Variants in SPTY2D1 observed in about 807,000 individuals in gnomAD.
SPTY2D1 encodes the protein protein SPT2 homolog.
A neutral mutation model predicts 64.0 loss-of-function variants in SPTY2D1; 21 were observed. The ratio of observed to expected loss-of-function variants is 0.33; its 90% CI spans 0.23 to 0.47. The LOEUF is 0.47. Ranked by LOEUF, SPTY2D1 falls within the 20% of genes least tolerant of loss-of-function variation. The pLI is 1.00. For missense variants in SPTY2D1, 724 were observed against 837.2 expected (o/e 0.86, Z 1.67); for synonymous variants, 287 against 286.8 (o/e 1.00, Z -0.01).
chr11:18,634,303 T>G lies in SPTY2D1; in HGVS notation c.-46A>C. 1 of 1,606,630 alleles carries G rather than the reference T, an allele frequency of 6.2e-7. No homozygotes were observed. Among genetic ancestry groups the G allele is most frequent in the Non-Finnish European group, 8.5e-7 (1 of 1,173,960 alleles). ...ACTGGGCCAGGCACTCGGAAAGGAC[T>G]GACAGCGCACCTAACCGAGGCGCCC... On this transcript the variant is annotated 5_prime_UTR_variant, in exon 1 of 6. Transcript: ENST00000336349.
Position 18,612,838 on chromosome 11 carries a change from C to T in SPTY2D1, c.1712-350G>A, listed in dbSNP as rs1854229005. 1.3e-5 allele frequency among the ~76,000 whole-genome samples: 2 copies of T among 151,386 alleles called. No homozygotes were observed. The highest frequency in any genetic ancestry group is 3.9e-4 in the East Asian group (2 of 5,124). ...GGAGTGCAATGGTGCGATCTCGGCT[C>T]ACTGCAACCTCTGCCTCCCAGGTTC... On this transcript the variant is annotated intron_variant, in intron 3 of 5. Coordinates refer to ENST00000336349, the MANE Select transcript of SPTY2D1 (RefSeq NM_194285.3). The surrounding 1 kb of genome is among the most constrained non-coding windows in gnomAD (Gnocchi z 4.6).
chr11:18,620,513 T>C (rs1033601945), intron 1 of SPTY2D1, among the ~76,000 whole-genome samples: 1 of 151,754 alleles, frequency 6.6e-6, no homozygotes, highest in African/African-American at 2.4e-5. Context: ...TGAGCCGTTA[T>C]TATAGCTTTA....
chr11:18,612,599 C>T lies in SPTY2D1; in HGVS notation c.1712-111G>A. ...AAGATGGTATCCTTTAAAACCAGAG[C>T]AAGCAGGCTGGCCCTTAGCGCAGAG... is the stretch of plus-strand genomic sequence containing the variant. On this transcript the variant is annotated intron_variant, in intron 3 of 5. Transcript: ENST00000336349. The surrounding 1 kb of genome is among the most constrained non-coding windows in gnomAD (Gnocchi z 4.6). The T allele has an allele frequency of 1.0e-6, 1 of 987,052 alleles. No individual in the cohort carries two copies. Among genetic ancestry groups the T allele is most frequent in the Non-Finnish European group, 1.4e-6 (1 of 710,712 alleles). 61.1% of individuals were successfully genotyped at this position (987,052 alleles called of 1,614,324 possible).
At position 18,607,629 on chromosome 11, in the gene SPTY2D1, A is replaced by G. The variant is rs1302407618; in HGVS notation, c.*2232T>C. 1.3e-5 allele frequency: 2 copies of G among 152,598 alleles called. No homozygotes were observed. Among genetic ancestry groups the G allele is most frequent in the Non-Finnish European group, 2.9e-5 (2 of 68,032 alleles). The allele number at this position is 152,598 out of a possible 1,614,324, so 9.5% of individuals were successfully genotyped here. A position where few individuals can be genotyped will look rare whatever the true frequency, so the allele number is the denominator to read the frequency against. ...TTCTTCAAAGGTTTGTGAGCTTTTTATAAGAGTGGTCAGGAAGTGCAGAAA... is the reference window on the plus strand; with the variant it reads ...TTCTTCAAAGGTTTGTGAGCTTTTTGTAAGAGTGGTCAGGAAGTGCAGAAA... On this transcript the variant is annotated 3_prime_UTR_variant, in exon 6 of 6. Coordinates refer to ENST00000336349, the MANE Select transcript of SPTY2D1 (RefSeq NM_194285.3).
At chr11:18,631,212 C>T (rs929988194) in intron 1 of SPTY2D1, among the ~76,000 whole-genome samples, 1 of 152,220 alleles carries the variant, frequency 6.6e-6, no homozygotes, top group Non-Finnish European at 1.5e-5. Flanking sequence ...AAATCATAGA[C>T]ATAGTGTACA....
At chr11:18,624,967 C>G (rs1854472464) in intron 1 of SPTY2D1, among the ~76,000 whole-genome samples, 1 of 152,186 alleles carries the variant, frequency 6.6e-6, no homozygotes, top group Admixed American at 6.5e-5. Flanking sequence ...CCATTGCACT[C>G]CAGCCTGGGC....
intron 1 of SPTY2D1, among the ~76,000 whole-genome samples, chr11:18,625,958 T>C (rs2134116939): frequency 6.6e-6 from 1 of 151,952 alleles, no homozygotes; most frequent in East Asian, 1.9e-4. Context: ...TGGGACTGAT[T>C]ATAGGCACCT....
At chr11:18,632,167 A>G (rs1854599368) in intron 1 of SPTY2D1, among the ~76,000 whole-genome samples, 1 of 151,412 alleles carries the variant, frequency 6.6e-6, no homozygotes, top group African/African-American at 2.4e-5. Flanking sequence ...AAAAAAAAAA[A>G]GAAGAAGAAG....
At chr11:18,623,553 T>G (rs186609373) in intron 1 of SPTY2D1, among the ~76,000 whole-genome samples, 1 of 152,342 alleles carries the variant, frequency 6.6e-6, no homozygotes, top group East Asian at 1.9e-4. Context: ...ATATAATATC[T>G]ACAATCAGTT....
intron 5 of SPTY2D1, 62 bp downstream of exon 5, chr11:18,611,415 G>A (rs1173877283): frequency 1.7e-5 from 25 of 1,452,104 alleles, no homozygotes; most frequent in African/African-American, 4.6e-5. Flanking sequence ...TGCAATTGTA[G>A]CAATAAGCAG....
chr11:18,618,930 C>T (rs4757676), intron 1 of SPTY2D1, among the ~76,000 whole-genome samples: 84,086 of 152,028 alleles, frequency 0.55, 27,492 homozygotes, highest in Middle Eastern at 0.75. Flanking sequence ...AGTCCCAAGA[C>T]AGCATCCAGA....
At chr11:18,632,534 A>G (rs1854605259) in intron 1 of SPTY2D1, among the ~76,000 whole-genome samples, 2 of 152,196 alleles carry the variant, frequency 1.3e-5, no homozygotes, top group Admixed American at 1.3e-4. Context: ...TTTTTAGTAG[A>G]GATGGGGTTT....
chr11:18,630,634 A>G (rs1313288695), intron 1 of SPTY2D1, among the ~76,000 whole-genome samples: 1 of 152,218 alleles, frequency 6.6e-6, no homozygotes, highest in Non-Finnish European at 1.5e-5. Context: ...TAGCTCTGAT[A>G]GGTTCCAAAT....
At chr11:18,622,079 C>A (rs1346435662) in intron 1 of SPTY2D1, among the ~76,000 whole-genome samples, 2 of 1,184 alleles carry the variant, frequency 1.7e-3, no homozygotes, top group Non-Finnish European at 0.021. Context: ...AGAGTAAGAC[C>A]CTATCTCAAA....
chr11:18,606,548 T>C lies in SPTY2D1; in HGVS notation c.*3313A>G. 8.8e-6 allele frequency: 2 copies of C among 226,638 alleles called. No homozygotes were observed. The highest frequency in any genetic ancestry group is 1.0e-4 in the South Asian group (2 of 19,650). 14.0% of individuals were successfully genotyped at this position (226,638 alleles called of 1,614,324 possible). On this transcript the variant is annotated 3_prime_UTR_variant, in exon 6 of 6. Coordinates refer to ENST00000336349, the MANE Select transcript of SPTY2D1 (RefSeq NM_194285.3). ...CTAAAAATTTTTTTAACTTGATTTGTCCATTGTGTAAAAGACAGGATGGAT... is the reference window on the plus strand; with the variant it reads ...CTAAAAATTTTTTTAACTTGATTTGCCCATTGTGTAAAAGACAGGATGGAT...
At chr11:18,623,726 A>C (rs1854453591) in intron 1 of SPTY2D1, among the ~76,000 whole-genome samples, 1 of 152,230 alleles carries the variant, frequency 6.6e-6, no homozygotes, top group Admixed American at 6.5e-5. Flanking sequence ...GGCCTGCCCG[A>C]GAAATTTCAG....
At position 18,614,696 on chromosome 11, in the gene SPTY2D1, G is replaced by A; in HGVS notation, c.1578C>T (p.Ser526=). The A allele has an allele frequency of 2.5e-6, 4 of 1,614,256 alleles. No individual in the cohort carries two copies. Among genetic ancestry groups the A allele is most frequent in the South Asian group, 1.1e-5 (1 of 91,080 alleles). ...SSLGPGQTVS[S]SGPTIKPKCT... The stretch of plus-strand genomic sequence containing the variant: ...ACTTAGGCTTTATAGTGGGACCTGA[G>A]CTACTAACTGTTTGCCCAGGTCCCA... Residue 526 remains serine (S), a synonymous_variant, in exon 3 of 6, where the codon AGC becomes AGT. Coordinates refer to ENST00000336349, the MANE Select transcript of SPTY2D1 (RefSeq NM_194285.3).
intron 3 of SPTY2D1, among the ~76,000 whole-genome samples, chr11:18,614,293 A>C (rs1854251955): frequency 6.6e-6 from 1 of 152,192 alleles, no homozygotes; most frequent in Non-Finnish European, 1.5e-5. Flanking sequence ...ATGGTGGCAC[A>C]CGCCTATAGT....
chr11:18,623,750 C>G (rs1178380234), intron 1 of SPTY2D1, among the ~76,000 whole-genome samples: 2 of 152,198 alleles, frequency 1.3e-5, no homozygotes, highest in Admixed American at 1.3e-4. Context: ...TGTCAGGCCT[C>G]CATAATCAAT....
Sources: gnomAD v4.1 joint callset for allele counts (sites outside exome capture counted in the v4.1 genomes callset) on GRCh38, gnomAD v4.1.1 for gene constraint, Gnocchi (gnomAD v3.1) non-coding constraint, MANE v1.5 for transcripts, NCBI Gene and HGNC (gene_info 2026-07-23, HGNC 2026-07-21) for gene names.